The following ZSWIM5 variants were observed in gnomAD, a reference collection of about 807,000 sequenced individuals.
ZSWIM5 encodes zinc finger SWIM-type containing 5.
Under a neutral mutation model 119.6 loss-of-function variants are expected in ZSWIM5, and 55 were observed. That is an observed-to-expected ratio of 0.46 (90% confidence interval 0.37 to 0.58). ZSWIM5 has a LOEUF of 0.58. ZSWIM5 is among the 20% of genes least tolerant of loss of function. The pLI, the probability that ZSWIM5 is intolerant of heterozygous loss-of-function variation, is 0.00. For synonymous variants in ZSWIM5, 537 were observed against 606.9 expected (o/e 0.88, Z 1.69); for missense variants, 1,193 against 1,512.8 (o/e 0.79, Z 3.51).
chr1:45,035,089 G>C lies in ZSWIM5; in HGVS notation c.2291+599C>G, dbSNP rs193148926. On this transcript the variant is annotated intron_variant, in intron 10 of 13. Transcript: ENST00000359600. ...AGGCTTGAGCCACCGTACCCAGCCT[G>C]GTTATTTCTAAAAGTATAAGAAATA... Among the ~76,000 whole-genome samples, 11 of 152,190 alleles carry C rather than the reference G, an allele frequency of 7.2e-5. No individual in the cohort carries two copies. In the East Asian group the frequency reaches 2.1e-3, roughly 29 times the overall value.
chr1:45,087,379 G>C (rs1231052530), intron 2 of ZSWIM5, among the ~76,000 whole-genome samples: 1 of 152,192 alleles, frequency 6.6e-6, no homozygotes, highest in Non-Finnish European at 1.5e-5. Flanking sequence ...TTTGTTGAAT[G>C]AATGAGTGAA....
intron 1 of ZSWIM5, among the ~76,000 whole-genome samples, chr1:45,183,021 A>G (rs1329490204): frequency 6.6e-6 from 1 of 151,628 alleles, no homozygotes; most frequent in Non-Finnish European, 1.5e-5. Flanking sequence ...CAGCAAATGT[A>G]AAAGAACAGA....
At chr1:45,153,093 T>TAAAAAAAAAAAAAAAA (rs76324771) in intron 1 of ZSWIM5, among the ~76,000 whole-genome samples, 1 of 105,848 alleles carries the variant, frequency 9.4e-6, no homozygotes, top group Non-Finnish European at 2.0e-5. Flanking sequence ...ATTAAAAAGT[T>TAAAAAAAAAAAAAAAA]AAAAAAAAAA....
At chr1:45,161,921 T>C (rs896060768) in intron 1 of ZSWIM5, among the ~76,000 whole-genome samples, 10 of 152,208 alleles carry the variant, frequency 6.6e-5, no homozygotes, top group African/African-American at 2.4e-4. Context: ...TAGGAATCAC[T>C]GCACTGAAAT....
chr1:45,112,987 C>T (rs1026879762), intron 1 of ZSWIM5, among the ~76,000 whole-genome samples: 3 of 152,070 alleles, frequency 2.0e-5, no homozygotes, highest in Non-Finnish European at 2.9e-5. Flanking sequence ...TATAGGCTTG[C>T]GAGTCTGAAT....
chr1:45,066,546 C>A (rs1230034001), intron 2 of ZSWIM5, among the ~76,000 whole-genome samples: 4 of 150,912 alleles, frequency 2.7e-5, no homozygotes, highest in Admixed American at 6.6e-5. Flanking sequence ...ACTTTTTGTT[C>A]AAAAAAAACA....
rs1644874037 is a variant in ZSWIM5, at chr1:45,019,352, T to TG, written c.2696-37dup. On this transcript the variant is annotated intron_variant, in intron 13 of 13. Transcript: ENST00000359600. The surrounding 1 kb of genome is among the most constrained non-coding windows in gnomAD (Gnocchi z 5.0). ...GAGCCTGAGCTCAGCCGTGGCCATCTGGGTCCTGATTCAGGTCTACCCAGA... is the reference window on the plus strand; with the variant it reads ...GAGCCTGAGCTCAGCCGTGGCCATCTGGGGTCCTGATTCAGGTCTACCCAGA... The TG allele has an allele frequency of 6.3e-7, 1 of 1,583,884 alleles. No individual in the cohort carries two copies. The highest frequency in any genetic ancestry group is 8.6e-7 in the Non-Finnish European group (1 of 1,168,600).
chr1:45,120,759 A>C (rs149522301), intron 1 of ZSWIM5, among the ~76,000 whole-genome samples: 98 of 151,948 alleles, frequency 6.4e-4, no homozygotes, highest in Admixed American at 1.5e-3. Context: ...TGTAAGTGTG[A>C]GTCGCCATGC....
chr1:45,183,604 G>A (rs1317703247), intron 1 of ZSWIM5, among the ~76,000 whole-genome samples: 1 of 152,178 alleles, frequency 6.6e-6, no homozygotes, highest in African/African-American at 2.4e-5. Flanking sequence ...CCTACCATCA[G>A]AGAATACTAC....
intron 7 of ZSWIM5, among the ~76,000 whole-genome samples, chr1:45,040,066 G>A (rs1239889812): frequency 1.3e-5 from 2 of 151,994 alleles, no homozygotes; most frequent in Non-Finnish European, 2.9e-5. Context: ...TCAAACTCCT[G>A]GCCTCAAGCA....
chr1:45,104,377 T>C lies in ZSWIM5; in HGVS notation c.596-16140A>G, dbSNP rs1297526892. ...CAGATTAGGAATCAGAATGCTTGAG[T>C]TGTAATTCTAGTACCCCTCAATTCC... On this transcript the variant is annotated intron_variant, in intron 1 of 13. Transcript: ENST00000359600. Among the ~76,000 whole-genome samples, 2 of 152,164 alleles carry C rather than the reference T, an allele frequency of 1.3e-5. 1 individual carries two copies. Among genetic ancestry groups the C allele is most frequent in the East Asian group, 3.8e-4 (2 of 5,198 alleles).
chr1:45,150,840 T>C (rs908698231), intron 1 of ZSWIM5, among the ~76,000 whole-genome samples: 1 of 152,162 alleles, frequency 6.6e-6, no homozygotes, highest in Non-Finnish European at 1.5e-5. Flanking sequence ...CTATCAACAA[T>C]AATCCAGGGA....
intron 1 of ZSWIM5, among the ~76,000 whole-genome samples, chr1:45,205,094 G>A (rs1646179396): frequency 6.6e-6 from 1 of 151,476 alleles, no homozygotes; most frequent in African/African-American, 2.4e-5. Flanking sequence ...ACAAGGAAGA[G>A]AGACCCCACC....
intron 1 of ZSWIM5, among the ~76,000 whole-genome samples, chr1:45,116,553 C>T (rs1645559248): frequency 6.6e-6 from 1 of 152,180 alleles, no homozygotes; most frequent in South Asian, 2.1e-4. Flanking sequence ...GCTCTATTTA[C>T]ACAGCTTCTT....
At chr1:45,179,936 T>C (rs1289310545) in intron 1 of ZSWIM5, among the ~76,000 whole-genome samples, 1 of 147,446 alleles carries the variant, frequency 6.8e-6, no homozygotes, top group African/African-American at 2.5e-5. Context: ...GTTAAAATGA[T>C]ATGGTATAGG....
chr1:45,039,642 A>G (rs1259980860), intron 7 of ZSWIM5, among the ~76,000 whole-genome samples: 1 of 151,408 alleles, frequency 6.6e-6, no homozygotes, highest in Admixed American at 6.6e-5. Flanking sequence ...GATTCACCCT[A>G]CCAAAGTCCT....
chr1:45,090,530 T>G (rs1327394819), intron 1 of ZSWIM5, among the ~76,000 whole-genome samples: 1 of 152,024 alleles, frequency 6.6e-6, no homozygotes, highest in Non-Finnish European at 1.5e-5. Context: ...GTGGGAGGAT[T>G]GCTCGAGGCT....
At chr1:45,125,083 G>C (rs1223911943) in intron 1 of ZSWIM5, among the ~76,000 whole-genome samples, 1 of 152,152 alleles carries the variant, frequency 6.6e-6, no homozygotes, top group Non-Finnish European at 1.5e-5. Flanking sequence ...CATCAACCAA[G>C]AGAATTCAAT....
At chr1:45,168,971 GA>G (rs1377932278) in intron 1 of ZSWIM5, among the ~76,000 whole-genome samples, 5 of 151,984 alleles carry the variant, frequency 3.3e-5, no homozygotes, top group African/African-American at 9.7e-5. Context: ...ATAAACAACT[GA>G]ATTTGTGCTA....
Sources: allele counts gnomAD v4.1 joint callset (sites outside exome capture counted in the v4.1 genomes callset), GRCh38; gene constraint gnomAD v4.1.1; non-coding constraint Gnocchi (gnomAD v3.1); transcripts MANE v1.5; gene names NCBI Gene and HGNC (gene_info 2026-07-23, HGNC 2026-07-21).